Variants in CYP7B1 observed in about 807,000 individuals in gnomAD.
CYP7B1 encodes cytochrome P450 7B1.
In CYP7B1, 29 loss-of-function variants were observed where a neutral mutation model predicts 42.7. That is an observed-to-expected ratio of 0.68 (90% CI 0.51 to 0.93). CYP7B1 has a LOEUF of 0.93. Among genes scored for constraint, CYP7B1 ranks in the 40% least tolerant of loss-of-function variants. The pLI is 0.00. For missense variants in CYP7B1, 655 were observed against 600.5 expected (o/e 1.09, Z -0.95); for synonymous variants, 235 against 218.2 (o/e 1.08, Z -0.68).
At chr8:64,778,496 A>G (rs994760502) in intron 1 of CYP7B1, among the ~76,000 whole-genome samples, 6 of 152,018 alleles carry the variant, frequency 3.9e-5, no homozygotes, top group African/African-American at 1.2e-4. Context: ...ACTGTCTGTA[A>G]CACTTTCTCA....
intron 1 of CYP7B1, among the ~76,000 whole-genome samples, chr8:64,718,992 C>CA (rs1444979309): frequency 6.6e-6 from 1 of 152,132 alleles, no homozygotes; most frequent in Non-Finnish European, 1.5e-5. Context: ...GTTGTGAGGT[C>CA]ACTGGAACAG....
At chr8:64,635,855 C>A (rs1179287532) in intron 1 of CYP7B1, among the ~76,000 whole-genome samples, 1 of 152,092 alleles carries the variant, frequency 6.6e-6, no homozygotes, top group African/African-American at 2.4e-5. Context: ...TAGAATGTGC[C>A]TTGTAAACTC....
chr8:64,624,122 T>A lies in CYP7B1; in HGVS notation c.259+281A>T, dbSNP rs13251633. On this transcript the variant is annotated intron_variant, in intron 2 of 5. Transcript: ENST00000310193. ...CTTTTGTATAGTTATATATATATATTTTTTTTTCTACCATTCTTAAAACCA... is the reference window on the plus strand; with the variant it reads ...CTTTTGTATAGTTATATATATATATATTTTTTTCTACCATTCTTAAAACCA... Among the ~76,000 whole-genome samples the A allele has an allele frequency of 0.67, 101,775 of 151,310 alleles. 34,838 individuals carry two copies. Among genetic ancestry groups the A allele is most frequent in the African/African-American group, 0.78 (32,284 of 41,306 alleles).
intron 1 of CYP7B1, among the ~76,000 whole-genome samples, chr8:64,743,655 T>C (rs1368472830): frequency 6.6e-6 from 1 of 152,138 alleles, no homozygotes. Flanking sequence ...CCTTTTATTA[T>C]GACACCAGTC....
chr8:64,665,354 T>C (rs1465255696), intron 1 of CYP7B1, among the ~76,000 whole-genome samples: 2 of 152,002 alleles, frequency 1.3e-5, no homozygotes, highest in African/African-American at 4.8e-5. Flanking sequence ...TTGGAAAGGC[T>C]TCAAGGAGGA....
rs80120796 is a variant in CYP7B1, at chr8:64,618,101, A to G, written c.260-1820T>C. 4.7e-3 allele frequency among the ~76,000 whole-genome samples: 707 copies of G among 150,784 alleles called. 1 individual carries two copies. Among genetic ancestry groups the G allele is most frequent in the African/African-American group, 0.016 (640 of 40,948 alleles). ...TGTATGTGCTCTGGGGAGAGCAAAAAGGATTCAACCCAATTTAGGCATATT... is the reference window on the plus strand; with the variant it reads ...TGTATGTGCTCTGGGGAGAGCAAAAGGGATTCAACCCAATTTAGGCATATT... On this transcript the variant is annotated intron_variant, in intron 2 of 5. Transcript: ENST00000310193.
At chr8:64,765,253 TA>T (rs1373650025) in intron 1 of CYP7B1, among the ~76,000 whole-genome samples, 2 of 152,238 alleles carry the variant, frequency 1.3e-5, no homozygotes, top group Non-Finnish European at 2.9e-5. Context: ...GTTAACAGTG[TA>T]ACCTGCATTA....
In CYP7B1 at chr8:64,604,864, GA is replaced by G. The variant is rs764062133; in HGVS notation, c.1058-8del. ...GCTTCAAAAATGCTGCTTTCTGAAG[GA>G]AAAAAACAAACGATAGCTTATTAAG... On this transcript the variant is annotated splice_polypyrimidine_tract_variant and splice_region_variant and intron_variant, in intron 4 of 5. Coordinates refer to ENST00000310193, the MANE Select transcript of CYP7B1 (RefSeq NM_004820.5). 4 of 1,612,912 alleles carry G rather than the reference GA, an allele frequency of 2.5e-6. No homozygotes were observed. Among genetic ancestry groups the G allele is most frequent in the Admixed American group, 1.7e-5 (1 of 59,950 alleles).
chr8:64,610,357 C>A (rs1042630190), intron 4 of CYP7B1, among the ~76,000 whole-genome samples: 4 of 152,256 alleles, frequency 2.6e-5, no homozygotes, highest in Admixed American at 1.3e-4. Context: ...TCACCCACTT[C>A]CTCCAGTTAG....
At chr8:64,653,176 A>G (rs1806066346) in intron 1 of CYP7B1, among the ~76,000 whole-genome samples, 1 of 152,214 alleles carries the variant, frequency 6.6e-6, no homozygotes, top group African/African-American at 2.4e-5. Context: ...AAATTGAGAC[A>G]CGAAATACCA....
chr8:64,636,780 A>G (rs1474570592), intron 1 of CYP7B1, among the ~76,000 whole-genome samples: 1 of 152,182 alleles, frequency 6.6e-6, no homozygotes. Context: ...ATCTTAGGAG[A>G]AAGCGAGTCA....
At chr8:64,702,928 C>T (rs1585865890) in intron 1 of CYP7B1, among the ~76,000 whole-genome samples, 1 of 151,976 alleles carries the variant, frequency 6.6e-6, no homozygotes, top group Admixed American at 6.6e-5. Flanking sequence ...ATTTTCATAG[C>T]TAAAAGATAC....
intron 1 of CYP7B1, among the ~76,000 whole-genome samples, chr8:64,760,969 A>C (rs548155215): frequency 2.0e-5 from 3 of 152,308 alleles, no homozygotes; most frequent in African/African-American, 7.2e-5. Flanking sequence ...TCAATGGATG[A>C]ACAGATAAAG....
chr8:64,648,722 AAAGGC>A (rs1805991312), intron 1 of CYP7B1, among the ~76,000 whole-genome samples: 1 of 152,228 alleles, frequency 6.6e-6, no homozygotes, highest in South Asian at 2.1e-4. Flanking sequence ...GAGGTATGGT[AAAGGC>A]AAGAGGTGTA....
Position 64,616,402 on chromosome 8 carries a change from G to C in CYP7B1, c.260-121C>G. On this transcript the variant is annotated intron_variant, in intron 2 of 5. Coordinates refer to ENST00000310193, the MANE Select transcript of CYP7B1 (RefSeq NM_004820.5). The stretch of plus-strand genomic sequence containing the variant: ...AAGACCCTAATAACTAAGGCAAAAA[G>C]TTTAATACAAATCCATTTCATTCGA... The C allele has an allele frequency of 3.2e-5, 22 of 695,158 alleles. No individual in the cohort carries two copies. In the South Asian group the frequency reaches 3.8e-4, roughly 12 times the overall value. The allele number at this position is 695,158 out of a possible 1,614,324, so 43.1% of individuals were successfully genotyped here. A position where few individuals can be genotyped will look rare whatever the true frequency, so the allele number is the denominator to read the frequency against.
chr8:64,685,287 C>A (rs1806607019), intron 1 of CYP7B1, among the ~76,000 whole-genome samples: 3 of 141,120 alleles, frequency 2.1e-5, no homozygotes, highest in Admixed American at 1.4e-4. Flanking sequence ...CGGCTGCCAC[C>A]CCGTCTGGGA....
intron 1 of CYP7B1, among the ~76,000 whole-genome samples, chr8:64,793,659 G>A (rs926246346): frequency 5.9e-5 from 9 of 151,960 alleles, no homozygotes; most frequent in Non-Finnish European, 1.2e-4. Context: ...CTACCCATAA[G>A]GCTGGTCCTT....
intron 1 of CYP7B1, among the ~76,000 whole-genome samples, chr8:64,702,911 T>G (rs891881500): frequency 3.3e-5 from 5 of 152,070 alleles, no homozygotes; most frequent in African/African-American, 9.7e-5. Context: ...CTCTGTTCCA[T>G]ATTATAATTT....
chr8:64,617,560 T>G (rs74393258), intron 2 of CYP7B1, among the ~76,000 whole-genome samples: 132 of 152,308 alleles, frequency 8.7e-4, no homozygotes, highest in African/African-American at 2.9e-3. Context: ...ATTAAGCAGA[T>G]AGTAATAAAT....
Sources: allele counts gnomAD v4.1 joint callset (sites outside exome capture counted in the v4.1 genomes callset), GRCh38; gene constraint gnomAD v4.1.1; transcripts MANE v1.5; gene names NCBI Gene and HGNC (gene_info 2026-07-23, HGNC 2026-07-21).